Variants in MGAM observed in about 807,000 individuals in gnomAD.
MGAM encodes alpha-1,4-glucosidase.
In MGAM, 253 loss-of-function variants were observed where a neutral mutation model predicts 358.8. The observed-to-expected ratio is 0.71, with a 90% CI of 0.64 to 0.78. The LOEUF is 0.78. Ranked by LOEUF, MGAM falls within the 30% of genes least tolerant of loss-of-function variation. MGAM has a pLI of 0.00. For synonymous variants in MGAM, 1,105 were observed against 1,227.1 expected (o/e 0.90, Z 2.08); for missense variants, 3,080 against 3,432.6 (o/e 0.90, Z 2.57).
chr7:142,025,643 C>T (rs1311514152), intron 8 of MGAM, among the ~76,000 whole-genome samples: 1 of 152,172 alleles, frequency 6.6e-6, no homozygotes, highest in East Asian at 1.9e-4. Flanking sequence ...GAATGGGTCA[C>T]AGACTGTTTC....
chr7:141,989,681 G>A (rs1292536384), intron 2 of MGAM, among the ~76,000 whole-genome samples: 2 of 151,676 alleles, frequency 1.3e-5, no homozygotes, highest in Non-Finnish European at 2.9e-5. Context: ...GCTGTATGGA[G>A]GCTGAGAATC....
intron 2 of MGAM, among the ~76,000 whole-genome samples, chr7:141,987,320 A>G (rs1412179903): frequency 6.6e-6 from 1 of 152,188 alleles, no homozygotes; most frequent in Non-Finnish European, 1.5e-5. Context: ...GCTACTCTCT[A>G]CATGTGTATC....
At chr7:142,033,563 A>T (rs1055549979) in intron 14 of MGAM, among the ~76,000 whole-genome samples, 4 of 152,198 alleles carry the variant, frequency 2.6e-5, no homozygotes, top group Non-Finnish European at 5.9e-5. Flanking sequence ...AAGACAGGAA[A>T]TTGGGGCAGG....
chr7:142,040,657 G>T (rs1439013913), intron 20 of MGAM, 65 bp from the exon 21 acceptor site: 6 of 1,583,686 alleles, frequency 3.8e-6, no homozygotes, highest in Non-Finnish European at 4.3e-6. Flanking sequence ...CACCAGGCAT[G>T]TAGATAATCA....
At chr7:142,038,288 G>A (rs564437412) in intron 18 of MGAM, among the ~76,000 whole-genome samples, 11 of 152,278 alleles carry the variant, frequency 7.2e-5, no homozygotes, top group Admixed American at 5.2e-4. Flanking sequence ...CCTGGGACCT[G>A]CCTAGCATAC....
At chr7:142,074,961 T>G (rs10952513) in intron 45 of MGAM, among the ~76,000 whole-genome samples, 50,900 of 144,974 alleles carry the variant, frequency 0.35, 13,628 homozygotes, top group Middle Eastern at 0.5. Context: ...CTTATTCATC[T>G]AAGAACTGAA....
chr7:142,017,428 C>T (rs1806054730), intron 3 of MGAM, among the ~76,000 whole-genome samples: 1 of 152,116 alleles, frequency 6.6e-6, no homozygotes, highest in African/African-American at 2.4e-5. Flanking sequence ...CATGTCTCTT[C>T]CCACTTCTTG....
In MGAM at chr7:142,056,952, A is replaced by C. The variant is rs1440727155; in HGVS notation, c.3693+10A>C. On this transcript the variant is annotated intron_variant, in intron 30 of 70. Transcript: ENST00000475668. ...CCAGCAGTACACTGAGGTAGGGGGA[A>C]ATCCAATTGTTTATCAAGTACTTAC... 1 of 1,612,874 alleles carries C rather than the reference A, an allele frequency of 6.2e-7. No individual in the cohort carries two copies. Among genetic ancestry groups the C allele is most frequent in the South Asian group, 1.1e-5 (1 of 90,936 alleles).
chr7:141,999,758 C>G (rs1804587166), intron 1 of MGAM, among the ~76,000 whole-genome samples: 1 of 152,112 alleles, frequency 6.6e-6, no homozygotes, highest in Admixed American at 6.5e-5. Flanking sequence ...GCCCTTAACC[C>G]TATTTAAATT....
chr7:142,085,943 G>A lies in MGAM; in HGVS notation c.6618G>A (p.Met2206Ile). 6.4e-7 allele frequency: 1 copy of A among 1,566,090 alleles called. No homozygotes were observed. Among genetic ancestry groups the A allele is most frequent in the Non-Finnish European group, 8.8e-7 (1 of 1,141,196 alleles). The change falls in exon 55 of 71, where the codon ATG becomes ATA. Residue 2206 changes from methionine (M) to isoleucine (I), a missense_variant. By Grantham distance (10) the Met-to-Ile change is conservative. Transcript: ENST00000475668. The stretch of plus-strand genomic sequence containing the variant: ...TCAATCGCATGAAGGCTGATGGGAT[G>A]CGGGTCATCCTCATTCTGGTTAGTC... ...ALINRMKADG[M>I]RVILILDPAI...
In MGAM at chr7:142,027,716, G is replaced by A. The variant is rs782279108; in HGVS notation, c.1202G>A (p.Arg401His). The change falls in exon 10 of 71, where the codon CGC becomes CAC. Residue 401 changes from arginine to histidine, a missense_variant. This residue lies in a region of MGAM where 1,816 missense variants were observed against 1,840.5 expected (regional missense o/e 0.99). Transcript: ENST00000475668. The part of the protein sequence containing the change: ...DNMREVVERN[R>H]AAQLPYDVQH... ...ATGAGGGAAGTCGTGGAGAGAAATC[G>A]CGCAGCACAGCTCCCTTATGTAAGC... 2.5e-5 allele frequency: 40 copies of A among 1,612,170 alleles called. No individual in the cohort carries two copies. Among genetic ancestry groups the A allele is most frequent in the Non-Finnish European group, 3.2e-5 (38 of 1,178,936 alleles).
At chr7:142,100,689 C>T in intron 67 of MGAM, 113 bp from the exon 68 acceptor site, 1 of 842,662 alleles carries the variant, frequency 1.2e-6, no homozygotes, top group South Asian at 1.4e-5. Context: ...TTCTAGTATG[C>T]AGTCTTTATC....
rs563820077 is a variant in MGAM, at chr7:142,040,525, A to C, written c.2374-197A>C. ...TATCAAATAGCCTCAGCATGGCATA[A>C]ATTTTTTCACAAACCCCCAACTGGT... On this transcript the variant is annotated intron_variant, in intron 20 of 70. Transcript: ENST00000475668. The C allele has an allele frequency of 7.4e-6, 5 of 676,202 alleles. No individual in the cohort carries two copies. In the Admixed American group the frequency reaches 1.6e-4, roughly 21 times the overall value. The allele number at this position is 676,202 out of a possible 1,614,324, so 41.9% of individuals were successfully genotyped here.
At chr7:142,001,955 GT>G (rs1804773667) in intron 1 of MGAM, among the ~76,000 whole-genome samples, 1 of 152,072 alleles carries the variant, frequency 6.6e-6, no homozygotes, top group Non-Finnish European at 1.5e-5. Context: ...AGAAATTGTA[GT>G]TTCATTTTAC....
rs769994364 is a variant in MGAM at position 142,093,515 on chromosome 7, C to A, written c.7137C>A (p.Asn2379Lys). The A allele has an allele frequency of 6.6e-7, 1 of 1,506,456 alleles. No homozygotes were observed. Among genetic ancestry groups the A allele is most frequent in the South Asian group, 1.2e-5 (1 of 82,928 alleles). 93.3% of individuals were successfully genotyped at this position (1,506,456 alleles called of 1,614,324 possible). Residue 2379 changes from asparagine to lysine, a missense_variant, in exon 60 of 71, where the codon AAC becomes AAA. Asn to Lys is a moderately conservative substitution (Grantham distance 94). Transcript: ENST00000475668. ...GSPVQHYNVHNLYGWSQTRPT... is the reference protein window; with the variant it reads ...GSPVQHYNVHKLYGWSQTRPT... ...CGGTGCAGCACTACAATGTGCACAA[C>A]CTGTACGGGTGGTCCCAGACCAGAC...
intron 1 of MGAM, among the ~76,000 whole-genome samples, chr7:141,999,188 T>C (rs1804530603): frequency 6.6e-6 from 1 of 152,200 alleles, no homozygotes; most frequent in South Asian, 2.1e-4. Context: ...AATGAATAAA[T>C]AAACTGCAAG....
chr7:142,075,946 A>G (rs974300360), intron 45 of MGAM, among the ~76,000 whole-genome samples: 1 of 146,306 alleles, frequency 6.8e-6, no homozygotes, highest in African/African-American at 2.4e-5. Context: ...GTATATCCAG[A>G]GGACATGAAA....
At chr7:141,993,506 C>T (rs1223229922), upstream of MGAM, among the ~76,000 whole-genome samples, 2 of 152,184 alleles carry the variant, frequency 1.3e-5, no homozygotes, top group African/African-American at 4.8e-5. Context: ...AAGCTGGCAA[C>T]CACAGGTTCA....
rs782672817 is a variant in MGAM at position 142,008,648 on chromosome 7, T to C, written c.270T>C (p.Cys90=). 21 of 1,613,412 alleles carry C rather than the reference T, an allele frequency of 1.3e-5. 1 individual carries two copies. The Middle Eastern group carries it at 4.9e-4, about 38-fold the overall frequency. The change falls in exon 3 of 71, where the codon TGT becomes TGC. Residue 90 remains cysteine (C), a synonymous_variant. Coordinates refer to ENST00000475668, the MANE Select transcript of MGAM (RefSeq NM_001365693.1). The part of the protein sequence containing the change: ...TTGTTPVSAE[C]PVVNELERIN... The stretch of plus-strand genomic sequence containing the variant: ...GTACCACTCCTGTTTCTGCTGAATG[T>C]CCAGTGGTAAATGAATTGGAACGAA...
Sources: gnomAD v4.1 joint callset for allele counts (sites outside exome capture counted in the v4.1 genomes callset) on GRCh38, gnomAD v4.1.1 for gene constraint, gnomAD v4.1.1 regional missense constraint, MANE v1.5 for transcripts, NCBI Gene and HGNC (gene_info 2026-07-23, HGNC 2026-07-21) for gene names.